The following PUM2 variants were observed in gnomAD, a reference collection of about 807,000 sequenced individuals.
PUM2 encodes the protein pumilio RNA binding family member 2.
In PUM2, 57 loss-of-function variants were observed where a neutral mutation model predicts 124.5. That is an observed-to-expected ratio of 0.46 (90% CI 0.37 to 0.57). PUM2 has a LOEUF of 0.57. PUM2 is among the 20% of genes least tolerant of loss of function. PUM2 has a pLI of 0.00. For synonymous variants in PUM2, 460 were observed against 446.1 expected (o/e 1.03, Z -0.39); for missense variants, 1,065 against 1,290.6 (o/e 0.83, Z 2.68).
At chr2:20,338,285 T>A (rs986089134) in intron 1 of PUM2, among the ~76,000 whole-genome samples, 1 of 152,088 alleles carries the variant, frequency 6.6e-6, no homozygotes, top group Non-Finnish European at 1.5e-5. Flanking sequence ...TAATCTCAGC[T>A]ACTCAGGAGG....
At position 20,296,622 on chromosome 2, in the gene PUM2, G is replaced by A. The variant is rs1324881866; in HGVS notation, c.1009+931C>T. ...CCCCCAGCCCCCCCAAAAACAACAG[G>A]GACAGCCTCAAGTTTTGAAAGTCAG... On this transcript the variant is annotated intron_variant, in intron 8 of 20. Coordinates refer to ENST00000361078, the MANE Select transcript of PUM2 (RefSeq NM_015317.5). 3.5e-5 allele frequency among the ~76,000 whole-genome samples: 5 copies of A among 142,998 alleles called. No homozygotes were observed. In the Admixed American group the frequency reaches 3.6e-4, roughly 10 times the overall value. The allele number at this position is 142,998 out of a possible 152,430, so 93.8% of individuals were successfully genotyped here.
intron 3 of PUM2, among the ~76,000 whole-genome samples, chr2:20,318,124 A>G: frequency 6.6e-6 from 1 of 152,220 alleles, no homozygotes; most frequent in East Asian, 1.9e-4. Context: ...TGCTTTCCAC[A>G]ATGGCTGAAC....
Position 20,297,584 on chromosome 2 carries a change from T to C in PUM2, c.978A>G (p.Ala326=), listed in dbSNP as rs775242594. The C allele has an allele frequency of 4.3e-6, 7 of 1,611,420 alleles. No individual in the cohort carries two copies. Among genetic ancestry groups the C allele is most frequent in the Non-Finnish European group, 3.4e-6 (4 of 1,178,498 alleles). ...AAPPGTDPYT[A]AGLAAAATLA... ...ATGTAGCTGCTGCAGCCAATCCTGC[T>C]GCAGTATACGGATCGGTCCCTGGAG... is the stretch of plus-strand genomic sequence containing the variant. Residue 326 remains alanine, a synonymous_variant, in exon 8 of 21, where the codon GCA becomes GCG. Transcript: ENST00000361078.
At chr2:20,319,464 T>C (rs1194854622) in intron 2 of PUM2, among the ~76,000 whole-genome samples, 5 of 152,312 alleles carry the variant, frequency 3.3e-5, no homozygotes, top group Non-Finnish European at 5.9e-5. Flanking sequence ...TGTCCAGTCT[T>C]TTCAGTGCTA....
intron 1 of PUM2, among the ~76,000 whole-genome samples, chr2:20,333,314 C>T (rs1446405763): frequency 2.0e-5 from 3 of 151,918 alleles, no homozygotes; most frequent in Non-Finnish European, 4.4e-5. Flanking sequence ...GTGGGAGGAT[C>T]GCTTGAGGCC....
chr2:20,265,732 T>C (rs1030527052), intron 13 of PUM2, among the ~76,000 whole-genome samples: 2 of 152,238 alleles, frequency 1.3e-5, no homozygotes, highest in East Asian at 3.8e-4. Flanking sequence ...TAAGAGTACT[T>C]GCTCTAAGAT....
Position 20,312,333 on chromosome 2 carries a change from C to T in PUM2, c.251G>A (p.Arg84Gln). 1 of 1,613,332 alleles carries T rather than the reference C, an allele frequency of 6.2e-7. No homozygotes were observed. The highest frequency in any genetic ancestry group is 2.2e-5 in the East Asian group (1 of 44,838). ...CACACCAAGGCCTCCACTTTCTGAT[C>T]GCGGAGACAGTATTGCATTTACTTC... ...NSEVNAILSP[R>Q]SESGGLGVSM... The change falls in exon 4 of 21, where the codon CGA (arginine) becomes CAA (glutamine). Residue 84 changes from arginine to glutamine, a missense_variant. This residue lies in a region of PUM2 where 90 missense variants were observed against 103.6 expected (regional missense o/e 0.87). Transcript: ENST00000361078.
chr2:20,258,464 C>T, intron 15 of PUM2, 93 bp from the exon 16 acceptor site: 1 of 1,318,840 alleles, frequency 7.6e-7, no homozygotes, highest in South Asian at 1.5e-5. Context: ...TTCATTCTAT[C>T]AGTAACTATG....
chr2:20,312,499 A>C, intron 3 of PUM2, 76 bp from the exon 4 acceptor site: 2 of 1,317,640 alleles, frequency 1.5e-6, no homozygotes, highest in Non-Finnish European at 2.1e-6. Context: ...AATATACTGA[A>C]GTAAGAAAAA....
Position 20,327,334 on chromosome 2 carries a change from T to A in PUM2, c.27A>T (p.Ala9=). ...CCTCTCCCATTCCCCGAGATTCTAA[T>A]GCAAGAGCTTGAAAATCATGATTCA... MNHDFQAL[A]LESRGMGELL... is the part of the protein sequence containing the mutation. Residue 9 remains alanine, a synonymous_variant, in exon 2 of 21, where the codon GCA becomes GCT. Coordinates refer to ENST00000361078, the MANE Select transcript of PUM2 (RefSeq NM_015317.5). The A allele has an allele frequency of 5.7e-6, 9 of 1,581,894 alleles. No homozygotes were observed. The highest frequency in any genetic ancestry group is 7.8e-6 in the Non-Finnish European group (9 of 1,152,152).
chr2:20,263,546 T>G (rs1666807297), intron 13 of PUM2, 86 bp from the exon 14 acceptor site: 2 of 1,417,690 alleles, frequency 1.4e-6, no homozygotes, highest in African/African-American at 1.4e-5. Flanking sequence ...ATTCAGTCAA[T>G]AAAGAAATAT....
chr2:20,256,115 T>C lies in PUM2; in HGVS notation c.2540A>G (p.Asn847Ser), dbSNP rs772298037. The change falls in exon 17 of 21, where the codon AAT (asparagine) becomes AGT (serine). Residue 847 changes from asparagine (N) to serine (S), a missense_variant. Asn to Ser is a conservative substitution (Grantham distance 46). This residue lies in a region of PUM2 where 968 missense variants were observed against 1,159.8 expected (regional missense o/e 0.83). Coordinates refer to ENST00000361078, the MANE Select transcript of PUM2 (RefSeq NM_015317.5). ...GHVLKCVKDQ[N>S]GNHVVQKCIE... is the part of the protein sequence containing the mutation. ...ACATTTTTGTACAACATGGTTTCCA[T>C]TCTGATCTTTCACACATTTGAGCAC... 2 of 1,602,712 alleles carry C rather than the reference T, an allele frequency of 1.2e-6. No homozygotes were observed. The highest frequency in any genetic ancestry group is 2.3e-5 in the East Asian group (1 of 43,750).
At chr2:20,337,640 T>A (rs1686398452) in intron 1 of PUM2, among the ~76,000 whole-genome samples, 1 of 152,170 alleles carries the variant, frequency 6.6e-6, no homozygotes, top group South Asian at 2.1e-4. Context: ...GTTACACAAT[T>A]CAGACAAAAA....
chr2:20,290,774 G>T lies in PUM2; in HGVS notation c.1169C>A (p.Ala390Glu), dbSNP rs1673868159. Residue 390 changes from alanine (A) to glutamate (E), a missense_variant, in exon 10 of 21, where the codon GCA becomes GAA. Physicochemically the swap from Ala to Glu is moderately radical, Grantham distance 107. Transcript: ENST00000361078. ...PGQQQVLRAG[A>E]GQRPLTPNQG... ...ATTGGGAGTAAGAGGACGCTGACCT[G>T]CTCCAGCACGGAGAACCTACAAAGG... 3.8e-6 allele frequency: 6 copies of T among 1,597,522 alleles called. No individual in the cohort carries two copies. Among genetic ancestry groups the T allele is most frequent in the Non-Finnish European group, 5.1e-6 (6 of 1,174,598 alleles).
chr2:20,325,280 G>T (rs926715528), intron 2 of PUM2, among the ~76,000 whole-genome samples: 4 of 152,142 alleles, frequency 2.6e-5, no homozygotes, highest in Non-Finnish European at 4.4e-5. Context: ...ATTTTTACTG[G>T]ATGAAGGTTA....
At chr2:20,312,092 A>T in intron 4 of PUM2, 144 bp downstream of exon 4, 1 of 716,224 alleles carries the variant, frequency 1.4e-6, no homozygotes, top group Non-Finnish European at 2.2e-6. Flanking sequence ...TCAAGTGGCT[A>T]AGCAGAAGAA....
rs200294801 is a variant in PUM2, at chr2:20,261,394, C to CAAAAAAAAAAAAAAA, written c.2226-943_2226-929dup. Among the ~76,000 whole-genome samples, 122 of 76,762 alleles carry CAAAAAAAAAAAAAAA rather than the reference C, an allele frequency of 1.6e-3. 29 individuals are homozygous for CAAAAAAAAAAAAAAA. The highest frequency in any genetic ancestry group is 9.6e-3 in the Middle Eastern group (1 of 104). The allele number at this position is 76,762 out of a possible 152,430, so 50.4% of individuals were successfully genotyped here. On this transcript the variant is annotated intron_variant, in intron 14 of 20. Coordinates refer to ENST00000361078, the MANE Select transcript of PUM2 (RefSeq NM_015317.5). ...AAGCGACAGAGTGAGACTCTGTCTC[C>CAAAAAAAAAAAAAAA]AAAAAAAAAAAAAAAAAAAAAAAAA...
In PUM2 at chr2:20,248,849, C is replaced by T. The variant is rs1392656214; in HGVS notation, c.*2736G>A. 2.0e-5 allele frequency: 3 copies of T among 152,612 alleles called. No individual in the cohort carries two copies. Among genetic ancestry groups the T allele is most frequent in the African/African-American group, 4.8e-5 (2 of 41,450 alleles). The allele number at this position is 152,612 out of a possible 1,614,324, so 9.5% of individuals were successfully genotyped here. A position where few individuals can be genotyped will look rare whatever the true frequency, so the allele number is the denominator to read the frequency against. On this transcript the variant is annotated 3_prime_UTR_variant, in exon 21 of 21. Coordinates refer to ENST00000361078, the MANE Select transcript of PUM2 (RefSeq NM_015317.5). ...GAACCAATAAGAGCCAGGACTTAGA[C>T]AAACTGGTCCAGAAACAATCCCTAT...
chr2:20,263,343 G>A lies in PUM2; in HGVS notation c.2075C>T (p.Pro692Leu). 6.2e-7 allele frequency: 1 copy of A among 1,614,186 alleles called. No individual in the cohort carries two copies. Among genetic ancestry groups the A allele is most frequent in the South Asian group, 1.1e-5 (1 of 91,092 alleles). The change falls in exon 14 of 21, where the codon CCT (proline) becomes CTT (leucine). Residue 692 changes from proline to leucine, a missense_variant. By Grantham distance (98) the Pro-to-Leu change is moderately conservative (BLOSUM62 -3). Transcript: ENST00000361078. The stretch of plus-strand genomic sequence containing the variant: ...AGACCTATTATACCGAAGCCGGGAA[G>A]GAGGAAAGAGCTGGCTGCTGGAGCT... ...LFSSSSQLFP[P>L]SRLRYNRSDI...
Sources: allele counts gnomAD v4.1 joint callset (sites outside exome capture counted in the v4.1 genomes callset), GRCh38; gene constraint gnomAD v4.1.1; regional missense constraint gnomAD v4.1.1; transcripts MANE v1.5; gene names NCBI Gene and HGNC (gene_info 2026-07-23, HGNC 2026-07-21).